Variants in CHSY1 observed in about 807,000 individuals in gnomAD.
The protein encoded by CHSY1 is chondroitin sulfate synthase 1, also known as N-acetylgalactosaminyl-proteoglycan 3-beta-glucuronosyltransferase 1.
In CHSY1, 13 loss-of-function variants were observed where a neutral mutation model predicts 59.8. The observed-to-expected ratio is 0.22, with a 90% CI of 0.14 to 0.35. The LOEUF (loss-of-function observed/expected upper bound fraction) is 0.35. Ranked by LOEUF, CHSY1 falls within the 10% of genes least tolerant of loss-of-function variation. CHSY1 has a pLI of 1.00. For synonymous variants in CHSY1, 459 were observed against 401.2 expected, an observed-to-expected ratio of 1.14 and a Z score of -1.72; for missense variants, 947 against 1,030.6, an observed-to-expected ratio of 0.92 and a Z score of 1.11.
At chr15:101,218,361 C>T (rs1204433370) in intron 2 of CHSY1, among the ~76,000 whole-genome samples, 2 of 152,144 alleles carry the variant, frequency 1.3e-5, no homozygotes, top group Admixed American at 6.5e-5. Flanking sequence ...CTTTGGGAGG[C>T]TGAGGCAGGT....
chr15:101,245,513 G>A (rs1359509227), intron 1 of CHSY1, among the ~76,000 whole-genome samples: 5 of 152,146 alleles, frequency 3.3e-5, no homozygotes, highest in African/African-American at 9.7e-5. Flanking sequence ...TTCCTTCTGA[G>A]ACAATGAACT....
At chr15:101,226,526 A>G (rs180776103) in intron 2 of CHSY1, among the ~76,000 whole-genome samples, 1 of 152,296 alleles carries the variant, frequency 6.6e-6, no homozygotes, top group East Asian at 1.9e-4. Flanking sequence ...CAATGTCCTC[A>G]GCATTCCCTG....
intron 2 of CHSY1, among the ~76,000 whole-genome samples, chr15:101,224,833 C>T (rs1027621917): frequency 6.6e-6 from 1 of 152,234 alleles, no homozygotes; most frequent in African/African-American, 2.4e-5. Flanking sequence ...GTTCCCTCAC[C>T]TGTTCCTTTT....
intron 1 of CHSY1, among the ~76,000 whole-genome samples, chr15:101,247,978 C>G (rs954610141): frequency 6.6e-6 from 1 of 152,220 alleles, no homozygotes; most frequent in Admixed American, 6.5e-5. Flanking sequence ...TATTCTACAC[C>G]AAAGTATCAT....
chr15:101,244,395 C>A (rs2039031292), intron 1 of CHSY1, among the ~76,000 whole-genome samples: 1 of 152,176 alleles, frequency 6.6e-6, no homozygotes, highest in Admixed American at 6.5e-5. Context: ...CACTTCAGGA[C>A]AGAATTAATG....
rs894908274 is a variant in CHSY1 at position 101,189,466 on chromosome 15, G to A, written c.817-10486C>T. ...ATGTAAGCCAGAAGGGATGGAGCTC[G>A]GGGGGACCAGGACGTGCCACACAGG... On this transcript the variant is annotated intron_variant, in intron 2 of 2. Coordinates refer to ENST00000254190, the MANE Select transcript of CHSY1 (RefSeq NM_014918.5). 18 of 985,226 alleles carry A rather than the reference G, an allele frequency of 1.8e-5. No homozygotes were observed. In the African/African-American group the frequency reaches 2.3e-4, roughly 12 times the overall value. The allele number at this position is 985,226 out of a possible 1,614,324, so 61.0% of individuals were successfully genotyped here. A position where few individuals can be genotyped will look rare whatever the true frequency, so the allele number is the denominator to read the frequency against.
At chr15:101,230,790 T>C (rs2038885731) in intron 2 of CHSY1, among the ~76,000 whole-genome samples, 2 of 152,250 alleles carry the variant, frequency 1.3e-5, no homozygotes, top group African/African-American at 4.8e-5. Flanking sequence ...ATCACAGGTT[T>C]CATATTTTTA....
intron 1 of CHSY1, among the ~76,000 whole-genome samples, chr15:101,244,139 T>C (rs1268561754): frequency 6.6e-6 from 1 of 152,178 alleles, no homozygotes; most frequent in Non-Finnish European, 1.5e-5. Context: ...ATGGACAGCT[T>C]TTATGCTTGT....
chr15:101,230,294 C>A (rs1210140664), intron 2 of CHSY1, among the ~76,000 whole-genome samples: 2 of 152,126 alleles, frequency 1.3e-5, no homozygotes, highest in African/African-American at 4.8e-5. Flanking sequence ...GGACATCTAG[C>A]CACTGAGGGT....
At chr15:101,244,248 A>G (rs2039030089) in intron 1 of CHSY1, among the ~76,000 whole-genome samples, 1 of 152,208 alleles carries the variant, frequency 6.6e-6, no homozygotes, top group African/African-American at 2.4e-5. Context: ...TTACATTAAG[A>G]TACAAAAGCT....
At chr15:101,214,496 T>C (rs1002367641) in intron 2 of CHSY1, among the ~76,000 whole-genome samples, 3 of 152,244 alleles carry the variant, frequency 2.0e-5, no homozygotes, top group Admixed American at 1.3e-4. Context: ...CTTGTGTATA[T>C]CCTCAATAAC....
intron 2 of CHSY1, among the ~76,000 whole-genome samples, chr15:101,193,827 C>T (rs1180657034): frequency 6.6e-6 from 1 of 152,238 alleles, no homozygotes; most frequent in Non-Finnish European, 1.5e-5. Flanking sequence ...TGCATCTTCA[C>T]GCTCCTTCCT....
At chr15:101,187,296 T>C (rs905768305) in intron 2 of CHSY1, among the ~76,000 whole-genome samples, 14 of 152,136 alleles carry the variant, frequency 9.2e-5, no homozygotes, top group African/African-American at 1.7e-4. Flanking sequence ...CTGGCCAATG[T>C]GGTGAAACAC....
chr15:101,196,755 G>T (rs955575378), intron 2 of CHSY1, among the ~76,000 whole-genome samples: 10 of 152,238 alleles, frequency 6.6e-5, no homozygotes, highest in Non-Finnish European at 7.3e-5. Flanking sequence ...TGGGCATGGT[G>T]GCTCATGCCT....
At chr15:101,190,197 A>G (rs2038426099) in intron 2 of CHSY1, among the ~76,000 whole-genome samples, 1 of 144,590 alleles carries the variant, frequency 6.9e-6, no homozygotes, top group East Asian at 2.2e-4. Context: ...CTTTCAAAAA[A>G]GAGGGTAAGA....
rs374805016 is a variant in CHSY1 at position 101,178,208 on chromosome 15, T to C, written c.1589A>G (p.Lys530Arg). Reference sequence around the variant, plus strand: ...AATCAGTATGTTTATCTTTTTATCTTTGGGTTCTTTGTGCTCACTCTTCGA... The same window carrying C: ...AATCAGTATGTTTATCTTTTTATCTCTGGGTTCTTTGTGCTCACTCTTCGA... ...PGSKSEHKEP[K>R]DKKINILIPL... Residue 530 changes from lysine to arginine, a missense_variant, in exon 3 of 3, where the codon AAA becomes AGA. Lys to Arg is a conservative substitution (Grantham distance 26, BLOSUM62 2). Around this residue, in one of 4 missense-constraint regions of CHSY1, gnomAD observed 602 missense variants for 676.9 expected, o/e 0.89. Transcript: ENST00000254190. The C allele has an allele frequency of 3.7e-6, 6 of 1,614,096 alleles. No homozygotes were observed. Among genetic ancestry groups the C allele is most frequent in the Non-Finnish European group, 5.1e-6 (6 of 1,180,046 alleles).
At position 101,178,072 on chromosome 15, in the gene CHSY1, G is replaced by A. The variant is rs151237975; in HGVS notation, c.1725C>T (p.Asp575=). The A allele has an allele frequency of 1.5e-4, 242 of 1,614,224 alleles. 1 individual carries two copies. The African/African-American group carries it at 2.8e-3, about 19-fold the overall frequency. ...VKLVVLLFNS[D]SNPDKAKQVE... is the part of the protein sequence containing the mutation. Reference sequence around the variant, plus strand: ...CTTGTTTGGCCTTGTCAGGGTTGGAGTCAGAATTGAAAAGCAGAACCACGA... The same window carrying A: ...CTTGTTTGGCCTTGTCAGGGTTGGAATCAGAATTGAAAAGCAGAACCACGA... Residue 575 remains aspartate (D), a synonymous_variant, in exon 3 of 3, where the codon GAC becomes GAT. Transcript: ENST00000254190.
At chr15:101,225,681 C>T (rs955430405) in intron 2 of CHSY1, among the ~76,000 whole-genome samples, 1 of 152,150 alleles carries the variant, frequency 6.6e-6, no homozygotes, top group African/African-American at 2.4e-5. Flanking sequence ...GTAAAAGCTC[C>T]CTGAAGCCTC....
intron 2 of CHSY1, among the ~76,000 whole-genome samples, chr15:101,192,926 A>G (rs2038463446): frequency 6.6e-6 from 1 of 152,178 alleles, no homozygotes; most frequent in African/African-American, 2.4e-5. Flanking sequence ...AATGCTTATT[A>G]CCACTCCTCT....
Sources: allele counts gnomAD v4.1 joint callset (sites outside exome capture counted in the v4.1 genomes callset), GRCh38; gene constraint gnomAD v4.1.1; regional missense constraint gnomAD v4.1.1; transcripts MANE v1.5; gene names NCBI Gene and HGNC (gene_info 2026-07-23, HGNC 2026-07-21).